The following CTNNA1 variants were observed in gnomAD, a reference collection of about 807,000 sequenced individuals.
CTNNA1 encodes catenin alpha 1, also known as catenin alpha-1.
In CTNNA1, 37 loss-of-function variants were observed where a neutral mutation model predicts 98.4. The ratio of observed to expected loss-of-function variants is 0.38; its 90% CI spans 0.29 to 0.49. The LOEUF (loss-of-function observed/expected upper bound fraction) is 0.49. Among genes scored for constraint, CTNNA1 ranks in the 20% least tolerant of loss-of-function variants. CTNNA1 has a pLI of 0.95. For synonymous variants in CTNNA1, 404 were observed against 413.2 expected, an observed-to-expected ratio of 0.98 and a Z score of 0.27; for missense variants, 761 against 1,147.2, an observed-to-expected ratio of 0.66 and a Z score of 4.86.
intron 7 of CTNNA1, among the ~76,000 whole-genome samples, chr5:138,849,937 T>G (rs76786411): frequency 2.6e-5 from 4 of 152,128 alleles, no homozygotes; most frequent in Non-Finnish European, 5.9e-5. Flanking sequence ...TCAGTTTCTC[T>G]TCTTACAGTT....
At chr5:138,847,339 G>GT (rs59511199) in intron 7 of CTNNA1, among the ~76,000 whole-genome samples, 1,737 of 152,028 alleles carry the variant, frequency 0.011, 19 homozygotes, top group Non-Finnish European at 0.017. Context: ...CCCTCCCTCT[G>GT]TTTTTTTAGA....
chr5:138,814,084 C>G lies in CTNNA1; in HGVS notation c.588+1782C>G, dbSNP rs201855994. Reference sequence around the variant, plus strand: ...AGTGCCAGGCACTAAGAAGGCCCTTCTCAGTAGGCAGTTGGTGAATAATAG... The same window carrying G: ...AGTGCCAGGCACTAAGAAGGCCCTTGTCAGTAGGCAGTTGGTGAATAATAG... On this transcript the variant is annotated intron_variant, in intron 5 of 17. Coordinates refer to ENST00000302763, the MANE Select transcript of CTNNA1 (RefSeq NM_001903.5). 4.0e-4 allele frequency among the ~76,000 whole-genome samples: 61 copies of G among 152,314 alleles called. 1 individual carries two copies. The East Asian group carries it at 9.8e-3, about 25-fold the overall frequency.
At chr5:138,816,861 G>T (rs1759483952) in intron 5 of CTNNA1, among the ~76,000 whole-genome samples, 1 of 152,074 alleles carries the variant, frequency 6.6e-6, no homozygotes, top group Non-Finnish European at 1.5e-5. Context: ...ACCATGCCCA[G>T]CTGATTTTTG....
At position 138,905,926 on chromosome 5, in the gene CTNNA1, C is replaced by G. The variant is rs547428206; in HGVS notation, c.1389+1485C>G. ...GTGGCCTCAAATAAAGGAGAGTAAG[C>G]AGAGGGACTGGAGAAATGAAATAGA... On this transcript the variant is annotated intron_variant, in intron 10 of 17. Transcript: ENST00000302763. Among the ~76,000 whole-genome samples the G allele has an allele frequency of 1.1e-4, 16 of 152,302 alleles. No individual in the cohort carries two copies. The South Asian group carries it at 3.3e-3, about 32-fold the overall frequency.
chr5:138,898,693 C>T (rs1443414612), intron 9 of CTNNA1, among the ~76,000 whole-genome samples: 2 of 152,094 alleles, frequency 1.3e-5, no homozygotes, highest in African/African-American at 4.8e-5. Flanking sequence ...TTTGTCTTCC[C>T]AAGTCTGAAA....
intron 5 of CTNNA1, among the ~76,000 whole-genome samples, chr5:138,821,774 G>A (rs1045671301): frequency 8.5e-5 from 13 of 152,186 alleles, no homozygotes; most frequent in African/African-American, 3.1e-4. Context: ...TGGTGAAGTT[G>A]GGGATTATGA....
chr5:138,915,658 A>G (rs943398410), intron 10 of CTNNA1, among the ~76,000 whole-genome samples: 8 of 152,244 alleles, frequency 5.3e-5, no homozygotes, highest in Non-Finnish European at 8.8e-5. Context: ...CAATAATTCA[A>G]ATGTTCATTA....
At chr5:138,924,411 C>A in intron 11 of CTNNA1, 99 bp from the exon 12 acceptor site, 1 of 1,202,988 alleles carries the variant, frequency 8.3e-7, no homozygotes, top group Non-Finnish European at 1.2e-6. Flanking sequence ...AGCACTGTGG[C>A]TGGCACCAAG....
intron 7 of CTNNA1, among the ~76,000 whole-genome samples, chr5:138,837,555 GTCTTC>G (rs1002708915): frequency 1.3e-4 from 16 of 119,136 alleles, no homozygotes; most frequent in African/African-American, 2.8e-4. Context: ...CCACTCCTCC[GTCTTC>G]TCTTCTCTTC....
intron 11 of CTNNA1, among the ~76,000 whole-genome samples, chr5:138,919,218 C>T (rs966982260): frequency 1.3e-5 from 2 of 152,174 alleles, no homozygotes; most frequent in Admixed American, 6.5e-5. Context: ...CAATGAAGTA[C>T]TGAATTATTC....
At chr5:138,788,424 A>C (rs566231959) in intron 3 of CTNNA1, among the ~76,000 whole-genome samples, 34 of 152,258 alleles carry the variant, frequency 2.2e-4, no homozygotes, top group Admixed American at 3.9e-4. Flanking sequence ...GTTTTTTTTA[A>C]AAAATTGAGA....
intron 9 of CTNNA1, among the ~76,000 whole-genome samples, chr5:138,891,769 T>A (rs929127981): frequency 6.8e-6 from 1 of 147,684 alleles, no homozygotes; most frequent in Non-Finnish European, 1.5e-5. Context: ...AAAAAATAAA[T>A]AAAATAACAA....
chr5:138,933,884 C>T lies in CTNNA1; in HGVS notation c.2516C>T (p.Ala839Val). Residue 839 changes from alanine (A) to valine (V), a missense_variant, in exon 18 of 18, where the codon GCC becomes GTC. By Grantham distance (64) the Ala-to-Val change is moderately conservative. Coordinates refer to ENST00000302763, the MANE Select transcript of CTNNA1 (RefSeq NM_001903.5). ...VVQTVKASYV[A>V]STKYQKSQGM... is the part of the protein sequence containing the mutation. Reference sequence around the variant, plus strand: ...CAGACAGTGAAGGCATCCTACGTCGCCTCTACCAAATACCAAAAGTCACAG... The same window carrying T: ...CAGACAGTGAAGGCATCCTACGTCGTCTCTACCAAATACCAAAAGTCACAG... The T allele has an allele frequency of 6.2e-7, 1 of 1,614,188 alleles. No homozygotes were observed. The highest frequency in any genetic ancestry group is 8.5e-7 in the Non-Finnish European group (1 of 1,180,026).
At chr5:138,926,088 A>G (rs1354511259) in intron 13 of CTNNA1, among the ~76,000 whole-genome samples, 2 of 152,150 alleles carry the variant, frequency 1.3e-5, no homozygotes, top group African/African-American at 2.4e-5. Flanking sequence ...CCTCACGGCC[A>G]TAGCTGTACC....
intron 10 of CTNNA1, among the ~76,000 whole-genome samples, chr5:138,914,561 A>C (rs1761331785): frequency 6.6e-6 from 1 of 152,104 alleles, no homozygotes; most frequent in Admixed American, 6.6e-5. Flanking sequence ...TGAATCTATA[A>C]TTGACAGTCT....
At chr5:138,814,082 T>A (rs1163863600) in intron 5 of CTNNA1, among the ~76,000 whole-genome samples, 2 of 152,218 alleles carry the variant, frequency 1.3e-5, no homozygotes, top group Non-Finnish European at 2.9e-5. Flanking sequence ...AAGAAGGCCC[T>A]TCTCAGTAGG....
chr5:138,888,352 A>T (rs1295756012), intron 9 of CTNNA1, among the ~76,000 whole-genome samples: 2 of 152,202 alleles, frequency 1.3e-5, no homozygotes, highest in Admixed American at 6.5e-5. Context: ...TATTTTGGAA[A>T]TGGGACACAA....
chr5:138,906,468 C>T (rs141371499), intron 10 of CTNNA1, among the ~76,000 whole-genome samples: 177 of 152,276 alleles, frequency 1.2e-3, no homozygotes, highest in African/African-American at 3.9e-3. Flanking sequence ...AGCGACAATG[C>T]TTTCACAAAT....
chr5:138,925,995 G>A (rs1033912244), intron 13 of CTNNA1, among the ~76,000 whole-genome samples: 1 of 152,176 alleles, frequency 6.6e-6, no homozygotes, highest in Admixed American at 6.5e-5. Flanking sequence ...CCTGCTCTCT[G>A]ACAACTATTC....
Sources: gnomAD v4.1 joint callset for allele counts (sites outside exome capture counted in the v4.1 genomes callset) on GRCh38, gnomAD v4.1.1 for gene constraint, MANE v1.5 for transcripts, NCBI Gene and HGNC (gene_info 2026-07-23, HGNC 2026-07-21) for gene names.